Variants in MNAT1 observed in about 807,000 individuals in gnomAD.
MNAT1 encodes the protein MNAT1 component of CDK activating kinase.
A neutral mutation model predicts 42.0 loss-of-function variants in MNAT1; 43 were observed. The observed-to-expected ratio is 1.02, with a 90% CI of 0.80 to 1.32. The LOEUF (loss-of-function observed/expected upper bound fraction) is 1.32, where lower values mean the gene tolerates loss of function less well. MNAT1 is among the 40% of genes most tolerant of loss of function. The pLI is 0.00. For missense variants in MNAT1, 306 were observed against 350.4 expected (o/e 0.87, Z 1.01); for synonymous variants, 118 against 120.0 (o/e 0.98, Z 0.11).
At chr14:60,747,287 A>G (rs907811489) in intron 1 of MNAT1, among the ~76,000 whole-genome samples, 1 of 151,914 alleles carries the variant, frequency 6.6e-6, no homozygotes, top group Non-Finnish European at 1.5e-5. Flanking sequence ...CCCTGCCCAA[A>G]ATTATGTCTT....
At chr14:60,823,295 C>G (rs1372865738) in intron 6 of MNAT1, among the ~76,000 whole-genome samples, 1 of 152,122 alleles carries the variant, frequency 6.6e-6, no homozygotes, top group Non-Finnish European at 1.5e-5. Context: ...GCAGTGCTCT[C>G]TGTTTATCTG....
chr14:60,963,143 G>A (rs186041134), intron 7 of MNAT1, among the ~76,000 whole-genome samples: 1,757 of 152,030 alleles, frequency 0.012, 14 homozygotes, highest in Non-Finnish European at 0.017. Flanking sequence ...CACCACGCCC[G>A]GCTAATTTTT....
intron 7 of MNAT1, among the ~76,000 whole-genome samples, chr14:60,912,556 G>T (rs374494831): frequency 2.6e-5 from 4 of 152,136 alleles, no homozygotes; most frequent in East Asian, 1.9e-4. Context: ...GTCTATAAAG[G>T]ATTTTATTTC....
chr14:60,747,193 C>T (rs1262364218), intron 1 of MNAT1, among the ~76,000 whole-genome samples: 3 of 151,522 alleles, frequency 2.0e-5, no homozygotes, highest in Non-Finnish European at 4.4e-5. Flanking sequence ...ACCATGTTAG[C>T]CAGGATGGTC....
intron 4 of MNAT1, among the ~76,000 whole-genome samples, chr14:60,810,035 T>C (rs1743043782): frequency 6.6e-6 from 1 of 152,180 alleles, no homozygotes; most frequent in African/African-American, 2.4e-5. Context: ...TCTAGGTCTT[T>C]TCAGATTTCC....
At chr14:60,914,953 A>G (rs2080366589) in intron 7 of MNAT1, among the ~76,000 whole-genome samples, 1 of 152,196 alleles carries the variant, frequency 6.6e-6, no homozygotes, top group Non-Finnish European at 1.5e-5. Flanking sequence ...AGATGGCAAA[A>G]TGTGGACTAG....
chr14:60,744,315 A>G (rs759734616), intron 1 of MNAT1, among the ~76,000 whole-genome samples: 5 of 152,098 alleles, frequency 3.3e-5, no homozygotes, highest in Non-Finnish European at 5.9e-5. Flanking sequence ...TATTTTTAGT[A>G]GAGATGGGGT....
At chr14:60,854,630 C>T (rs1028234625) in intron 6 of MNAT1, among the ~76,000 whole-genome samples, 2 of 152,118 alleles carry the variant, frequency 1.3e-5, no homozygotes, top group African/African-American at 2.4e-5. Flanking sequence ...ACCAGTGAAG[C>T]CCGCAGAATA....
At chr14:60,895,105 C>A (rs946996182) in intron 7 of MNAT1, among the ~76,000 whole-genome samples, 3 of 152,094 alleles carry the variant, frequency 2.0e-5, no homozygotes, top group African/African-American at 7.2e-5. Context: ...TTATTAGAGC[C>A]AGGATTAGCT....
At chr14:60,766,487 G>T (rs2030827398) in intron 1 of MNAT1, among the ~76,000 whole-genome samples, 1 of 152,332 alleles carries the variant, frequency 6.6e-6, no homozygotes, top group South Asian at 2.1e-4. Flanking sequence ...GCCAAGGCCG[G>T]TGGATCATGA....
At chr14:60,755,661 T>C (rs2030318899) in intron 1 of MNAT1, among the ~76,000 whole-genome samples, 1 of 152,186 alleles carries the variant, frequency 6.6e-6, no homozygotes, top group South Asian at 2.1e-4. Context: ...TCCATATGGG[T>C]AAATAATTTT....
At chr14:60,955,205 G>A (rs533847844) in intron 7 of MNAT1, among the ~76,000 whole-genome samples, 1 of 152,102 alleles carries the variant, frequency 6.6e-6, no homozygotes, top group East Asian at 1.9e-4. Context: ...TTTGTATTAG[G>A]GTAATGCAGG....
chr14:60,762,317 G>GT (rs2030633715), intron 1 of MNAT1, among the ~76,000 whole-genome samples: 1 of 152,098 alleles, frequency 6.6e-6, no homozygotes, highest in Admixed American at 6.6e-5. Flanking sequence ...ATTCTTTTCT[G>GT]TAATATCTTA....
chr14:60,924,963 T>C (rs1435197512), intron 7 of MNAT1, among the ~76,000 whole-genome samples: 1 of 152,230 alleles, frequency 6.6e-6, no homozygotes, highest in Non-Finnish European at 1.5e-5. Flanking sequence ...ACATGATTTT[T>C]CCCAGTAAGT....
intron 7 of MNAT1, among the ~76,000 whole-genome samples, chr14:60,915,545 G>T (rs1566555162): frequency 6.6e-6 from 1 of 151,844 alleles, no homozygotes; most frequent in Non-Finnish European, 1.5e-5. Context: ...CCCTATCTAG[G>T]GCTACGGAAT....
intron 6 of MNAT1, among the ~76,000 whole-genome samples, chr14:60,824,522 G>A (rs2032995220): frequency 6.6e-6 from 1 of 152,074 alleles, no homozygotes; most frequent in Admixed American, 6.5e-5. Context: ...TACTCAATAA[G>A]GAACTACCAA....
chr14:60,841,444 A>G (rs1394242809), intron 6 of MNAT1, among the ~76,000 whole-genome samples: 1 of 151,844 alleles, frequency 6.6e-6, no homozygotes, highest in Non-Finnish European at 1.5e-5. Context: ...CATACAACAC[A>G]TAAAGTTGTG....
At position 60,808,307 on chromosome 14, in the gene MNAT1, GT is replaced by G; in HGVS notation, c.317-15del. The G allele has an allele frequency of 6.8e-7, 1 of 1,462,254 alleles. No individual in the cohort carries two copies. The highest frequency in any genetic ancestry group is 9.3e-7 in the Non-Finnish European group (1 of 1,079,354). 90.6% of individuals were successfully genotyped at this position (1,462,254 alleles called of 1,614,324 possible). A position where few individuals can be genotyped will look rare whatever the true frequency, so the allele number is the denominator to read the frequency against. On this transcript the variant is annotated splice_polypyrimidine_tract_variant and intron_variant, in intron 3 of 7. Transcript: ENST00000261245. ...TATTAAAAATATTTTTCATGTCATC[GT>G]TTCCTTTCTAATGCAGTTTTCAACT...
In MNAT1 at chr14:60,940,524, TC is replaced by T. The variant is rs2036125006; in HGVS notation, c.810-27704del. ...GCTCTGCCTCCCAGGTTCATGCCAT[TC>T]TTCTGCCTCAGCCTCCCGAGTAGCT... On this transcript the variant is annotated intron_variant, in intron 7 of 7. Transcript: ENST00000261245. Among the ~76,000 whole-genome samples the T allele has an allele frequency of 5.3e-5, 8 of 152,350 alleles. 1 individual carries two copies. The South Asian group carries it at 1.7e-3, about 32-fold the overall frequency.
Sources: allele counts gnomAD v4.1 joint callset (sites outside exome capture counted in the v4.1 genomes callset), GRCh38; gene constraint gnomAD v4.1.1; transcripts MANE v1.5; gene names NCBI Gene and HGNC (gene_info 2026-07-23, HGNC 2026-07-21).